MRPL21: variants seen among roughly 807,000 people sequenced by gnomAD.
MRPL21 encodes the protein large ribosomal subunit protein bL21m.
A neutral mutation model predicts 27.3 loss-of-function variants in MRPL21; 20 were observed. The observed-to-expected ratio is 0.73, with a 90% CI of 0.52 to 1.06. MRPL21 has a LOEUF of 1.06. Among genes scored for constraint, MRPL21 ranks in the 50% least tolerant of loss-of-function variants. MRPL21 has a pLI of 0.00. For synonymous variants in MRPL21, 98 were observed against 101.5 expected, an observed-to-expected ratio of 0.97 and a Z score of 0.21; for missense variants, 249 against 251.4, an observed-to-expected ratio of 0.99 and a Z score of 0.06.
chr11:68,896,104 AAACTT>A (rs1173309032), intron 4 of MRPL21, among the ~76,000 whole-genome samples: 3 of 152,266 alleles, frequency 2.0e-5, no homozygotes, highest in Non-Finnish European at 2.9e-5. Flanking sequence ...GTCTTAGCAG[AAACTT>A]AACAGTTTTT....
At chr11:68,898,637 C>T (rs1005846917) in intron 2 of MRPL21, among the ~76,000 whole-genome samples, 1 of 152,226 alleles carries the variant, frequency 6.6e-6, no homozygotes, top group Non-Finnish European at 1.5e-5. Flanking sequence ...CCTGAAAGGG[C>T]TGTGTTAGGT....
chr11:68,901,833 A>G (rs773613959), intron 1 of MRPL21, among the ~76,000 whole-genome samples: 31 of 152,072 alleles, frequency 2.0e-4, no homozygotes, highest in African/African-American at 5.6e-4. Context: ...ACACCTCCAG[A>G]GGCTCCTCAT....
At chr11:68,897,186 C>T (rs534637801) in intron 3 of MRPL21, among the ~76,000 whole-genome samples, 1 of 152,170 alleles carries the variant, frequency 6.6e-6, no homozygotes, top group Non-Finnish European at 1.5e-5. Flanking sequence ...CACGCCTGTG[C>T]CCAGAGGGGC....
chr11:68,903,595 G>C (rs564907530), intron 1 of MRPL21, 128 bp downstream of exon 1: 12 of 948,504 alleles, frequency 1.3e-5, no homozygotes, highest in African/African-American at 3.2e-5. Flanking sequence ...TCCAAAACCC[G>C]TGCTATATTC....
chr11:68,895,035 C>T (rs767317557), intron 4 of MRPL21, among the ~76,000 whole-genome samples: 12 of 152,182 alleles, frequency 7.9e-5, no homozygotes, highest in African/African-American at 2.2e-4. Flanking sequence ...GAGGCCGAGG[C>T]GGGCAGACTG....
chr11:68,894,023 C>A (rs905216345), intron 4 of MRPL21, among the ~76,000 whole-genome samples: 1 of 142,500 alleles, frequency 7.0e-6, no homozygotes, highest in Non-Finnish European at 1.5e-5. Flanking sequence ...GAGACTCTGT[C>A]TCAAAGAAAA....
intron 1 of MRPL21, among the ~76,000 whole-genome samples, chr11:68,901,272 T>C (rs944160623): frequency 6.6e-6 from 1 of 152,188 alleles, no homozygotes; most frequent in African/African-American, 2.4e-5. Context: ...GCTAAGACCC[T>C]GAGCCAGAAC....
At chr11:68,893,047 C>A in intron 5 of MRPL21, 54 bp from the exon 6 acceptor site, 1 of 1,478,338 alleles carries the variant, frequency 6.8e-7, no homozygotes. Flanking sequence ...TTTTCAAATG[C>A]CTTAGGTGAG....
At chr11:68,896,731 G>T in intron 3 of MRPL21, 53 bp from the exon 4 acceptor site, 1 of 1,604,544 alleles carries the variant, frequency 6.2e-7, no homozygotes. Flanking sequence ...TCCCCCACGC[G>T]CTGCAGTGTG....
rs1347474216 is a variant in MRPL21 at position 68,891,287 on chromosome 11, A to G, written c.*44T>C. On this transcript the variant is annotated 3_prime_UTR_variant, in exon 7 of 7. Transcript: ENST00000362034. ...ACACAGAAACCTGGTCTCCTTGGGA[A>G]GCAGGAGTTTATTTTTATCCTTTTG... The G allele has an allele frequency of 1.9e-6, 3 of 1,583,984 alleles. No individual in the cohort carries two copies. Among genetic ancestry groups the G allele is most frequent in the Admixed American group, 1.7e-5 (1 of 59,966 alleles).
intron 4 of MRPL21, among the ~76,000 whole-genome samples, chr11:68,893,667 C>T (rs1857709627): frequency 6.6e-6 from 1 of 152,210 alleles, no homozygotes; most frequent in South Asian, 2.1e-4. Context: ...GTGGGGCTGC[C>T]TAAGGGAAAT....
In MRPL21 at chr11:68,898,043, C is replaced by T. The variant is rs1261545811; in HGVS notation, c.147-31G>A. On this transcript the variant is annotated intron_variant, in intron 2 of 6. Coordinates refer to ENST00000362034, the MANE Select transcript of MRPL21 (RefSeq NM_181514.2). ...AAACACATTTCGTAGACAAATGTCA[C>T]AAGCACCTGAAAAGGCAGCTCAAAT... The T allele has an allele frequency of 2.6e-6, 4 of 1,562,382 alleles. No homozygotes were observed. The South Asian group carries it at 3.3e-5, about 13-fold the overall frequency.
chr11:68,894,183 A>C (rs527876077), intron 4 of MRPL21, among the ~76,000 whole-genome samples: 1 of 152,356 alleles, frequency 6.6e-6, no homozygotes, highest in South Asian at 2.1e-4. Flanking sequence ...TAACGACTGC[A>C]AAATTCTCAA....
intron 2 of MRPL21, 114 bp from the exon 3 acceptor site, chr11:68,898,126 C>G: frequency 1.2e-6 from 1 of 865,766 alleles, no homozygotes; most frequent in Non-Finnish European, 1.9e-6. Context: ...ACAAAAGGCT[C>G]GCTCTTTCGG....
intron 4 of MRPL21, among the ~76,000 whole-genome samples, chr11:68,894,624 C>A (rs1857741738): frequency 6.6e-6 from 1 of 152,136 alleles, no homozygotes; most frequent in Admixed American, 6.6e-5. Flanking sequence ...TTAAATTTTA[C>A]TGATAAGAAA....
chr11:68,902,012 G>C (rs903318978), intron 1 of MRPL21, among the ~76,000 whole-genome samples: 2 of 152,172 alleles, frequency 1.3e-5, no homozygotes, highest in Non-Finnish European at 2.9e-5. Flanking sequence ...GCAGGCTTCT[G>C]TACCTAATTT....
rs117227565 is a variant in MRPL21 at position 68,892,862 on chromosome 11, G to A, written c.553+28C>T. 6.6e-3 allele frequency: 10,642 copies of A among 1,601,072 alleles called. 81 individuals carry two copies. Among genetic ancestry groups the A allele is most frequent in the Middle Eastern group, 0.025 (154 of 6,040 alleles). On this transcript the variant is annotated intron_variant, in intron 6 of 6. Transcript: ENST00000362034. The stretch of plus-strand genomic sequence containing the variant: ...CCTGGGCAACCAGCACCGTGCAACA[G>A]GGCCCAGCGGTACTTTCTCTAACTT...
chr11:68,900,507 TGAAAG>T, intron 2 of MRPL21, 36 bp downstream of exon 2: 1 of 1,566,788 alleles, frequency 6.4e-7, no homozygotes, highest in Non-Finnish European at 8.8e-7. Flanking sequence ...GTTCTACAAA[TGAAAG>T]GAAAAGAGGC....
chr11:68,899,333 G>A (rs1406164731), intron 2 of MRPL21, among the ~76,000 whole-genome samples: 2 of 152,202 alleles, frequency 1.3e-5, no homozygotes, highest in Non-Finnish European at 2.9e-5. Context: ...GGTTGCATTA[G>A]GAGGAAGAAA....
Sources: allele counts gnomAD v4.1 joint callset (sites outside exome capture counted in the v4.1 genomes callset), GRCh38; gene constraint gnomAD v4.1.1; transcripts MANE v1.5; gene names NCBI Gene and HGNC (gene_info 2026-07-23, HGNC 2026-07-21).